The following KALRN variants were observed in gnomAD, a reference collection of about 807,000 sequenced individuals.
KALRN encodes the protein kalirin.
In KALRN, 70 loss-of-function variants were observed where a neutral mutation model predicts 353.7. The ratio of observed to expected loss-of-function variants is 0.20; its 90% CI spans 0.16 to 0.24. KALRN has a LOEUF of 0.24. Among genes scored for constraint, KALRN ranks in the 10% least tolerant of loss-of-function variants. The pLI, the probability that KALRN is intolerant of heterozygous loss-of-function variation, is 1.00. For synonymous variants in KALRN, 1,391 were observed against 1,434.8 expected (o/e 0.97, Z 0.69); for missense variants, 2,791 against 3,756.7 (o/e 0.74, Z 6.72).
At position 124,437,689 on chromosome 3, in the gene KALRN, CAAA is replaced by C. The variant is rs397876079; in HGVS notation, c.3049-1175_3049-1173del. Among the ~76,000 whole-genome samples the C allele has an allele frequency of 4.5e-3, 219 of 48,308 alleles. 1 individual carries two copies. The highest frequency in any genetic ancestry group is 0.016 in the African/African-American group (194 of 11,780). 31.7% of individuals were successfully genotyped at this position (48,308 alleles called of 152,430 possible). A position where few individuals can be genotyped will look rare whatever the true frequency, so the allele number is the denominator to read the frequency against. ...TGGGTGAAAAAGCTAGATTCCGTCT[CAAA>C]AAAAAAAAAAAAAAAAAAAAAAAGA... On this transcript the variant is annotated intron_variant, in intron 17 of 59. Coordinates refer to ENST00000682506, the MANE Select transcript of KALRN (RefSeq NM_001388419.1).
chr3:124,167,113 A>C (rs1275989622), intron 1 of KALRN, among the ~76,000 whole-genome samples: 1 of 152,154 alleles, frequency 6.6e-6, no homozygotes, highest in Admixed American at 6.6e-5. Context: ...CTGGACAGGT[A>C]AAGATGGAGT....
chr3:124,451,245 AG>A (rs1255069746), intron 21 of KALRN, among the ~76,000 whole-genome samples: 1 of 152,076 alleles, frequency 6.6e-6, no homozygotes, highest in Admixed American at 6.5e-5. Flanking sequence ...AACCAAAGAT[AG>A]AAAGAAAGGG....
chr3:124,269,287 G>T (rs772808200), intron 5 of KALRN, 32 bp downstream of exon 5: 51 of 1,552,322 alleles, frequency 3.3e-5, no homozygotes, highest in Non-Finnish European at 4.2e-5. Flanking sequence ...CCTGAGCCGG[G>T]ATGGGGGTGA....
chr3:124,555,414 AAAATAAATAAAT>A (rs199686367), intron 33 of KALRN, among the ~76,000 whole-genome samples: 3,691 of 137,164 alleles, frequency 0.027, 123 homozygotes, highest in African/African-American at 0.085. Flanking sequence ...ACTCTGTCCC[AAAATAAATAAAT>A]AAATAAATAA....
At chr3:124,450,563 C>CT (rs756571468) in intron 21 of KALRN, among the ~76,000 whole-genome samples, 5,515 of 137,992 alleles carry the variant, frequency 0.04, 218 homozygotes, top group East Asian at 0.1. Context: ...TTCTGAGACT[C>CT]TTTTTTTTTT....
intron 33 of KALRN, among the ~76,000 whole-genome samples, chr3:124,520,029 C>T (rs1379952387): frequency 1.3e-5 from 2 of 152,110 alleles, no homozygotes; most frequent in African/African-American, 4.8e-5. Context: ...TAATGAGAAT[C>T]ATATCAACCA....
intron 10 of KALRN, among the ~76,000 whole-genome samples, chr3:124,378,489 T>C (rs1031492534): frequency 6.6e-6 from 1 of 151,140 alleles, no homozygotes; most frequent in African/African-American, 2.5e-5. Flanking sequence ...GTATTTCCAG[T>C]GCTCTTGATT....
At chr3:124,477,007 C>G (rs2061488756) in intron 26 of KALRN, among the ~76,000 whole-genome samples, 1 of 152,166 alleles carries the variant, frequency 6.6e-6, no homozygotes, top group Admixed American at 6.5e-5. Flanking sequence ...CCAGCACAAA[C>G]TATTATTAAA....
In KALRN at chr3:124,607,193, C is replaced by T. The variant is rs971287964; in HGVS notation, c.5183-25227C>T. On this transcript the variant is annotated intron_variant, in intron 34 of 59. Transcript: ENST00000682506. ...GGGGAATGATTGTGGTATAATTTTA[C>T]AGTGGTGTGGTATTCAGCCATCTGA... Among the ~76,000 whole-genome samples, 4 of 152,336 alleles carry T rather than the reference C, an allele frequency of 2.6e-5. No individual in the cohort carries two copies. The South Asian group carries it at 8.3e-4, about 32-fold the overall frequency.
chr3:124,114,922 T>C (rs1036883025), intron 1 of KALRN, among the ~76,000 whole-genome samples: 1 of 152,192 alleles, frequency 6.6e-6, no homozygotes, highest in Non-Finnish European at 1.5e-5. Flanking sequence ...ATGTATTGAA[T>C]GCCTACCCTG....
chr3:124,656,386 G>A (rs1015828799), intron 39 of KALRN, among the ~76,000 whole-genome samples: 9 of 152,176 alleles, frequency 5.9e-5, no homozygotes, highest in Non-Finnish European at 1.3e-4. Flanking sequence ...TGAGACGGGT[G>A]GATCACGAGG....
intron 11 of KALRN, 51 bp downstream of exon 11, chr3:124,385,087 G>A (rs758755732): frequency 1.3e-6 from 2 of 1,490,892 alleles, no homozygotes; most frequent in Admixed American, 2.0e-5. Context: ...GGGTCAGGTC[G>A]GCTTCCTAGT....
At chr3:124,495,613 G>C (rs953077650) in intron 32 of KALRN, among the ~76,000 whole-genome samples, 8 of 150,864 alleles carry the variant, frequency 5.3e-5, no homozygotes, top group African/African-American at 7.3e-5. Flanking sequence ...TGGCAGGCAC[G>C]TGGAAACCCA....
chr3:124,706,392 C>T (rs918460150), intron 57 of KALRN, among the ~76,000 whole-genome samples: 3 of 152,314 alleles, frequency 2.0e-5, no homozygotes, highest in African/African-American at 7.2e-5. Context: ...GGGTTTCACC[C>T]TCTAGGCAGA....
At chr3:124,125,225 G>T (rs1035561242) in intron 1 of KALRN, among the ~76,000 whole-genome samples, 2 of 152,184 alleles carry the variant, frequency 1.3e-5, no homozygotes, top group Non-Finnish European at 2.9e-5. Context: ...GATTATCATT[G>T]CCCTTTTACA....
chr3:124,050,657 T>C (rs2040941855), intron 1 of KALRN, among the ~76,000 whole-genome samples: 1 of 152,188 alleles, frequency 6.6e-6, no homozygotes, highest in Admixed American at 6.5e-5. Flanking sequence ...ATTTTTCCCA[T>C]GTTCCCCAGA....
At chr3:124,370,723 T>C (rs566754350) in intron 10 of KALRN, among the ~76,000 whole-genome samples, 8 of 152,374 alleles carry the variant, frequency 5.3e-5, no homozygotes, top group Non-Finnish European at 1.2e-4. Context: ...TTAAAAACTC[T>C]ACTCTTGTCT....
chr3:124,250,056 G>A (rs1295530590), intron 3 of KALRN, among the ~76,000 whole-genome samples: 2 of 151,500 alleles, frequency 1.3e-5, no homozygotes, highest in Admixed American at 6.6e-5. Context: ...CAGTGGGCAT[G>A]GCCTGGGGGG....
chr3:124,563,096 G>A lies in KALRN; in HGVS notation c.5182+7G>A, dbSNP rs763069478. 5 of 1,366,430 alleles carry A rather than the reference G, an allele frequency of 3.7e-6. No individual in the cohort carries two copies. Among genetic ancestry groups the A allele is most frequent in the Non-Finnish European group, 4.9e-6 (5 of 1,021,400 alleles). The allele number at this position is 1,366,430 out of a possible 1,614,324, so 84.6% of individuals were successfully genotyped here. A position where few individuals can be genotyped will look rare whatever the true frequency, so the allele number is the denominator to read the frequency against. ...TTCTTCCCCTTGGTGAAAGGTAGGA[G>A]AACAGAGCGGGTGGGAGGCACAGAC... On this transcript the variant is annotated splice_region_variant and intron_variant, in intron 34 of 59. Coordinates refer to ENST00000682506, the MANE Select transcript of KALRN (RefSeq NM_001388419.1).
Sources: allele counts gnomAD v4.1 joint callset (sites outside exome capture counted in the v4.1 genomes callset), GRCh38; gene constraint gnomAD v4.1.1; transcripts MANE v1.5; gene names NCBI Gene and HGNC (gene_info 2026-07-23, HGNC 2026-07-21).